Variants in HS3ST4 observed in about 807,000 individuals in gnomAD.
HS3ST4 encodes heparan sulfate glucosamine 3-O-sulfotransferase 4.
HS3ST4 carries 17 observed loss-of-function variants against 29.2 expected under a neutral mutation model. The ratio of observed to expected loss-of-function variants is 0.58; its 90% confidence interval spans 0.40 to 0.87. The LOEUF (loss-of-function observed/expected upper bound fraction) is 0.87, where lower values mean the gene tolerates loss of function less well. Ranked by LOEUF, HS3ST4 falls within the 40% of genes least tolerant of loss-of-function variation. The pLI is 0.00. For missense variants in HS3ST4, 627 were observed against 634.5 expected, an observed-to-expected ratio of 0.99 and a Z score of 0.13; for synonymous variants, 314 against 285.7, an observed-to-expected ratio of 1.10 and a Z score of -1.00.
At chr16:25,765,632 C>T (rs1241017366) in intron 1 of HS3ST4, among the ~76,000 whole-genome samples, 1 of 152,130 alleles carries the variant, frequency 6.6e-6, no homozygotes. Flanking sequence ...TGCCTGGGCT[C>T]CTGGCTTCAG....
chr16:26,060,407 C>G (rs998224857), intron 1 of HS3ST4, among the ~76,000 whole-genome samples: 1 of 152,204 alleles, frequency 6.6e-6, no homozygotes, highest in African/African-American at 2.4e-5. Context: ...CTCCCTTGCT[C>G]CAGGGACTTC....
intron 1 of HS3ST4, among the ~76,000 whole-genome samples, chr16:26,087,893 T>A (rs1439660621): frequency 6.6e-6 from 1 of 152,064 alleles, no homozygotes; most frequent in Non-Finnish European, 1.5e-5. Context: ...CACTCCAAAT[T>A]ATTTCGCTTT....
At chr16:25,731,592 T>C (rs1483255048) in intron 1 of HS3ST4, among the ~76,000 whole-genome samples, 2 of 152,180 alleles carry the variant, frequency 1.3e-5, no homozygotes, top group Non-Finnish European at 2.9e-5. Context: ...CTTCCCACCT[T>C]GGCTTCCCAA....
chr16:26,100,674 T>C (rs1898979757), intron 1 of HS3ST4, among the ~76,000 whole-genome samples: 1 of 152,162 alleles, frequency 6.6e-6, no homozygotes, highest in South Asian at 2.1e-4. Flanking sequence ...ATTAGCACCA[T>C]TGCATTATTT....
intron 1 of HS3ST4, among the ~76,000 whole-genome samples, chr16:25,935,675 T>C (rs1179693220): frequency 1.3e-5 from 2 of 152,208 alleles, no homozygotes; most frequent in African/African-American, 4.8e-5. Context: ...CTGAATAATA[T>C]TCCATTGTCT....
chr16:25,935,268 C>G (rs962816926), intron 1 of HS3ST4, among the ~76,000 whole-genome samples: 1 of 152,140 alleles, frequency 6.6e-6, no homozygotes, highest in Non-Finnish European at 1.5e-5. Flanking sequence ...GATCAACATC[C>G]CCCACCAGAG....
intron 1 of HS3ST4, among the ~76,000 whole-genome samples, chr16:25,909,213 G>A (rs1391714808): frequency 6.6e-6 from 1 of 152,010 alleles, no homozygotes; most frequent in Admixed American, 6.6e-5. Context: ...TTTCGAGATG[G>A]GCTCTTGCTC....
intron 1 of HS3ST4, among the ~76,000 whole-genome samples, chr16:25,826,868 G>A (rs1286006811): frequency 6.6e-6 from 1 of 152,112 alleles, no homozygotes; most frequent in Non-Finnish European, 1.5e-5. Flanking sequence ...CCCTTTTCAA[G>A]TCTTCCAGAA....
At chr16:26,059,615 G>A (rs184303152) in intron 1 of HS3ST4, among the ~76,000 whole-genome samples, 13 of 152,208 alleles carry the variant, frequency 8.5e-5, no homozygotes, top group East Asian at 5.8e-4. Context: ...TCCTCTGACC[G>A]TGTGAAGCAG....
At chr16:25,703,452 C>T (rs576015663) in intron 1 of HS3ST4, among the ~76,000 whole-genome samples, 9 of 152,266 alleles carry the variant, frequency 5.9e-5, no homozygotes, top group South Asian at 4.2e-4. Flanking sequence ...GCCTTACAGG[C>T]GAGGGAACTG....
intron 1 of HS3ST4, among the ~76,000 whole-genome samples, chr16:25,708,628 A>G (rs978257807): frequency 2.0e-5 from 3 of 152,206 alleles, no homozygotes; most frequent in Non-Finnish European, 4.4e-5. Context: ...TACATTACCC[A>G]TTTAGAATTT....
Position 25,692,331 on chromosome 16 carries a change from C to CGGCGGG in HS3ST4, c.-82_-81insGGGCGG, listed in dbSNP as rs1411493822. Reference sequence around the variant, plus strand: ...GCGGCGGCGGCGGCGGCGGCGGCGGCGGCGGCGGGGGCGGCGGCTGAAACC... The same window carrying CGGCGGG: ...GCGGCGGCGGCGGCGGCGGCGGCGGCGGCGGGGGCGGCGGGGGCGGCGGCTGAAACC... On this transcript the variant is annotated 5_prime_UTR_variant, in exon 1 of 2. Coordinates refer to ENST00000331351, the MANE Select transcript of HS3ST4 (RefSeq NM_006040.3). 2.0e-4 allele frequency: 30 copies of CGGCGGG among 152,436 alleles called. No individual in the cohort carries two copies. The highest frequency in any genetic ancestry group is 4.3e-4 in the Admixed American group (6 of 13,956). The allele number at this position is 152,436 out of a possible 1,614,324, so 9.4% of individuals were successfully genotyped here.
intron 1 of HS3ST4, among the ~76,000 whole-genome samples, chr16:25,778,337 AC>A (rs1001807568): frequency 6.6e-6 from 1 of 152,042 alleles, no homozygotes; most frequent in Non-Finnish European, 1.5e-5. Context: ...CCAGTGCCTC[AC>A]CTTATGGTTC....
chr16:25,952,723 T>C (rs1221771204), intron 1 of HS3ST4, among the ~76,000 whole-genome samples: 1 of 152,186 alleles, frequency 6.6e-6, no homozygotes, highest in Non-Finnish European at 1.5e-5. Context: ...AGTTATCCTA[T>C]CCACCAAAGC....
At chr16:25,730,310 T>C (rs959422280) in intron 1 of HS3ST4, among the ~76,000 whole-genome samples, 4 of 152,062 alleles carry the variant, frequency 2.6e-5, no homozygotes, top group African/African-American at 4.8e-5. Context: ...TTGGGTTGTT[T>C]TCTTCTTGTT....
chr16:26,106,086 G>A (rs955866816), intron 1 of HS3ST4, among the ~76,000 whole-genome samples: 17 of 152,184 alleles, frequency 1.1e-4, no homozygotes, highest in African/African-American at 3.4e-4. Flanking sequence ...TCCTAAGACC[G>A]TAGACCCAGT....
chr16:25,968,113 C>G (rs1242248483), intron 1 of HS3ST4, among the ~76,000 whole-genome samples: 1 of 152,000 alleles, frequency 6.6e-6, no homozygotes, highest in Admixed American at 6.6e-5. Context: ...CTGGCTGGGG[C>G]AGATTTTAAC....
intron 1 of HS3ST4, among the ~76,000 whole-genome samples, chr16:25,910,164 G>T (rs147302325): frequency 2.8e-4 from 42 of 152,330 alleles, no homozygotes; most frequent in African/African-American, 1.0e-3. Flanking sequence ...AGGACACAAA[G>T]AACCATGTAT....
At chr16:25,754,006 C>A (rs768458498) in intron 1 of HS3ST4, among the ~76,000 whole-genome samples, 2 of 152,086 alleles carry the variant, frequency 1.3e-5, no homozygotes, top group Non-Finnish European at 2.9e-5. Context: ...CAGCCAGAAT[C>A]GCTAACAAGG....
Sources: gnomAD v4.1 joint callset for allele counts (sites outside exome capture counted in the v4.1 genomes callset) on GRCh38, gnomAD v4.1.1 for gene constraint, MANE v1.5 for transcripts, NCBI Gene and HGNC (gene_info 2026-07-23, HGNC 2026-07-21) for gene names.